MEF2A: variants seen among roughly 807,000 people sequenced by gnomAD.
MEF2A encodes myocyte enhancer factor 2A, also known as myocyte-specific enhancer factor 2A.
MEF2A carries 28 observed loss-of-function variants against 55.8 expected under a neutral mutation model. That is an observed-to-expected ratio of 0.50 (90% CI 0.37 to 0.69). The LOEUF is 0.69. Among genes scored for constraint, MEF2A ranks in the 30% least tolerant of loss-of-function variants. The pLI is 0.00. For missense variants in MEF2A, 528 were observed against 626.2 expected (o/e 0.84, Z 1.67); for synonymous variants, 239 against 227.1 (o/e 1.05, Z -0.47).
At chr15:99,704,714 C>A (rs2057821905) in intron 9 of MEF2A, among the ~76,000 whole-genome samples, 1 of 152,146 alleles carries the variant, frequency 6.6e-6, no homozygotes, top group South Asian at 2.1e-4. Flanking sequence ...AGGGTCCAGG[C>A]CAAACTATGT....
intron 4 of MEF2A, among the ~76,000 whole-genome samples, chr15:99,658,631 A>T (rs539291605): frequency 6.6e-6 from 1 of 152,250 alleles, no homozygotes; most frequent in East Asian, 1.9e-4. Flanking sequence ...AAAACTCTAT[A>T]TAGACATAGT....
chr15:99,597,013 G>A lies in MEF2A; in HGVS notation c.-224-1417G>A, dbSNP rs147937701. On this transcript the variant is annotated intron_variant, in intron 1 of 11. Transcript: ENST00000557942. ...AGCTGAGGAGGATTATATCATCTCA[G>A]GACCCTGTAATAATTGCATTAACTG... Among the ~76,000 whole-genome samples the A allele has an allele frequency of 4.2e-3, 645 of 152,206 alleles. 1 individual carries two copies. Among genetic ancestry groups the A allele is most frequent in the South Asian group, 0.016 (77 of 4,820 alleles).
At chr15:99,578,161 C>CTACTGTTAA (rs1300926092) in intron 1 of MEF2A, among the ~76,000 whole-genome samples, 2 of 152,344 alleles carry the variant, frequency 1.3e-5, no homozygotes, top group African/African-American at 4.8e-5. Context: ...GTGATACCTA[C>CTACTGTTAA]TACTGTAGTA....
chr15:99,706,842 T>A lies in MEF2A; in HGVS notation c.996T>A (p.Thr332=). 1.2e-6 allele frequency: 2 copies of A among 1,614,004 alleles called. No individual in the cohort carries two copies. The highest frequency in any genetic ancestry group is 1.7e-6 in the Non-Finnish European group (2 of 1,179,848). The change falls in exon 10 of 12, where the codon ACT becomes ACA. Residue 332 remains threonine (T), a synonymous_variant. Transcript: ENST00000557942. ...PQGLVYSAMP[T]AYNTDYSLTS... is the part of the protein sequence containing the mutation. Reference sequence around the variant, plus strand: ...GACTTGTGTACTCAGCAATGCCGACTGCCTACAACACTGGTGAGCCTGCTC... The same window carrying A: ...GACTTGTGTACTCAGCAATGCCGACAGCCTACAACACTGGTGAGCCTGCTC...
At chr15:99,648,234 C>G (rs2153496086) in intron 4 of MEF2A, among the ~76,000 whole-genome samples, 1 of 152,260 alleles carries the variant, frequency 6.6e-6, no homozygotes, top group South Asian at 2.1e-4. Context: ...TGATGGGAAG[C>G]AGGCTTTTTG....
At chr15:99,584,162 A>C (rs1046207724) in intron 1 of MEF2A, among the ~76,000 whole-genome samples, 1 of 152,206 alleles carries the variant, frequency 6.6e-6, no homozygotes, top group Non-Finnish European at 1.5e-5. Context: ...CAGCTCCATT[A>C]TAATCTTATG....
chr15:99,672,307 T>C (rs945693212), intron 5 of MEF2A, among the ~76,000 whole-genome samples: 2 of 152,228 alleles, frequency 1.3e-5, no homozygotes, highest in Non-Finnish European at 2.9e-5. Flanking sequence ...AGGGCAACAA[T>C]GTTCTTAAAC....
At chr15:99,591,999 C>A (rs1969459161) in intron 1 of MEF2A, among the ~76,000 whole-genome samples, 2 of 152,116 alleles carry the variant, frequency 1.3e-5, no homozygotes, top group Non-Finnish European at 2.9e-5. Flanking sequence ...CATTTTCTTA[C>A]ATTTAGTAAG....
intron 2 of MEF2A, among the ~76,000 whole-genome samples, chr15:99,618,533 C>A (rs894639011): frequency 6.6e-6 from 1 of 152,080 alleles, no homozygotes; most frequent in African/African-American, 2.4e-5. Flanking sequence ...GATAACTGTG[C>A]AGTGGTTATC....
intron 2 of MEF2A, among the ~76,000 whole-genome samples, chr15:99,605,852 C>T (rs765782044): frequency 1.3e-5 from 2 of 152,000 alleles, no homozygotes; most frequent in Admixed American, 1.3e-4. Flanking sequence ...TGCCTGTAGT[C>T]GCAGCCACTC....
At chr15:99,576,553 G>T (rs1436469256) in intron 1 of MEF2A, among the ~76,000 whole-genome samples, 1 of 151,498 alleles carries the variant, frequency 6.6e-6, no homozygotes, top group Non-Finnish European at 1.5e-5. Context: ...AGTTAATTTT[G>T]TGGAAACCTT....
intron 1 of MEF2A, among the ~76,000 whole-genome samples, chr15:99,592,106 T>G (rs1969492397): frequency 6.6e-6 from 1 of 152,130 alleles, no homozygotes; most frequent in African/African-American, 2.4e-5. Flanking sequence ...CTGATAAATT[T>G]CTTGCAGACG....
chr15:99,608,152 T>C, intron 2 of MEF2A, among the ~76,000 whole-genome samples: 1 of 152,226 alleles, frequency 6.6e-6, no homozygotes, highest in Non-Finnish European at 1.5e-5. Flanking sequence ...TCATATGTCC[T>C]GTTTAAGGAA....
intron 2 of MEF2A, among the ~76,000 whole-genome samples, chr15:99,617,767 G>A (rs2040454201): frequency 6.6e-6 from 1 of 151,952 alleles, no homozygotes; most frequent in African/African-American, 2.4e-5. Flanking sequence ...TATTAGCATA[G>A]TCTCTAAGCA....
chr15:99,602,621 A>AC (rs1321119947), intron 2 of MEF2A, among the ~76,000 whole-genome samples: 1 of 145,816 alleles, frequency 6.9e-6, no homozygotes, highest in South Asian at 2.2e-4. Flanking sequence ...CAACTGCCTG[A>AC]CCGTCACCTG....
chr15:99,590,340 C>T (rs1423040186), intron 1 of MEF2A, among the ~76,000 whole-genome samples: 1 of 141,164 alleles, frequency 7.1e-6, no homozygotes, highest in African/African-American at 2.5e-5. Flanking sequence ...TTTTATGTTT[C>T]CTATCTGTGT....
intron 3 of MEF2A, among the ~76,000 whole-genome samples, chr15:99,645,098 C>T (rs1351130949): frequency 6.6e-6 from 1 of 151,962 alleles, no homozygotes; most frequent in East Asian, 1.9e-4. Flanking sequence ...TTTGCTGATC[C>T]CAGACTGTGA....
chr15:99,592,917 G>A (rs1969837916), intron 1 of MEF2A, among the ~76,000 whole-genome samples: 1 of 152,134 alleles, frequency 6.6e-6, no homozygotes, highest in Non-Finnish European at 1.5e-5. Flanking sequence ...CTGAATGTTA[G>A]GGATGTAGGT....
chr15:99,715,565 G>A lies in MEF2A; in HGVS notation c.*2794G>A, dbSNP rs994813331. The A allele has an allele frequency of 2.6e-5, 4 of 152,318 alleles. No individual in the cohort carries two copies. Among genetic ancestry groups the A allele is most frequent in the Admixed American group, 2.6e-4 (4 of 15,310 alleles). The allele number at this position is 152,318 out of a possible 1,614,324, so 9.4% of individuals were successfully genotyped here. ...ATCTCTCACCCAGACGCCCACGTGTGAACACACCCACATCCACATCTCTGG... is the reference window on the plus strand; with the variant it reads ...ATCTCTCACCCAGACGCCCACGTGTAAACACACCCACATCCACATCTCTGG... On this transcript the variant is annotated 3_prime_UTR_variant, in exon 12 of 12. Coordinates refer to ENST00000557942, the MANE Select transcript of MEF2A (RefSeq NM_001319206.4).
Sources: allele counts gnomAD v4.1 joint callset (sites outside exome capture counted in the v4.1 genomes callset), GRCh38; gene constraint gnomAD v4.1.1; transcripts MANE v1.5; gene names NCBI Gene and HGNC (gene_info 2026-07-23, HGNC 2026-07-21).